Variants in GRM1 observed in about 807,000 individuals in gnomAD.
GRM1 encodes glutamate metabotropic receptor 1.
Under a neutral mutation model 90.9 loss-of-function variants are expected in GRM1, and 33 were observed. The observed-to-expected ratio is 0.36, with a 90% CI of 0.28 to 0.49. GRM1 has a LOEUF of 0.49. Ranked by LOEUF, GRM1 falls within the 20% of genes least tolerant of loss-of-function variation. GRM1 has a pLI of 0.99. For synonymous variants in GRM1, 700 were observed against 613.2 expected, an observed-to-expected ratio of 1.14 and a Z score of -2.09; for missense variants, 1,190 against 1,534.3, an observed-to-expected ratio of 0.78 and a Z score of 3.75.
rs146295838 is a variant in GRM1, at chr6:146,090,923, G to A, written c.700+60706G>A. On this transcript the variant is annotated intron_variant, in intron 1 of 7. Transcript: ENST00000282753. ...AATGACATTCCTCTTCACCTCCTGA[G>A]TTTGGGAAAAAAAACCAAAAAGAGC... Among the ~76,000 whole-genome samples, 573 of 152,076 alleles carry A rather than the reference G, an allele frequency of 3.8e-3. 2 individuals are homozygous for A. The highest frequency in any genetic ancestry group is 0.011 in the African/African-American group (474 of 41,488).
In GRM1 at chr6:146,399,240, T is replaced by A; in HGVS notation, c.2201T>A (p.Leu734Gln). 11 of 1,614,118 alleles carry A rather than the reference T, an allele frequency of 6.8e-6. No individual in the cohort carries two copies. The highest frequency in any genetic ancestry group is 9.3e-6 in the Non-Finnish European group (11 of 1,179,998). ...ATCATGGAACCCCCTATGCCCATTC[T>A]GTCCTACCCAAGTATCAAGGAAGTC... ...LIIMEPPMPI[L>Q]SYPSIKEVYL... Residue 734 changes from leucine (L) to glutamine (Q), a missense_variant, in exon 7 of 8, where the codon CTG (leucine) becomes CAG (glutamine). Physicochemically the swap from Leu to Gln is moderately radical, Grantham distance 113. This residue lies in a region of GRM1 where 414 missense variants were observed against 598.4 expected (regional missense o/e 0.69). Coordinates refer to ENST00000282753, the MANE Select transcript of GRM1 (RefSeq NM_001278064.2). This position sits in a 1 kb window ranked among gnomAD's most constrained non-coding sequence, Gnocchi z 5.4.
chr6:146,195,592 G>A (rs1779088191), intron 2 of GRM1, among the ~76,000 whole-genome samples: 1 of 152,232 alleles, frequency 6.6e-6, no homozygotes, highest in Non-Finnish European at 1.5e-5. Context: ...CATACCAGGG[G>A]AAGTAGGAAA....
intron 1 of GRM1, among the ~76,000 whole-genome samples, chr6:146,078,127 A>T (rs1208716901): frequency 6.6e-6 from 1 of 152,228 alleles, no homozygotes; most frequent in African/African-American, 2.4e-5. Context: ...GCTCTGTGTG[A>T]TGAGAGGAGT....
chr6:146,363,180 A>G (rs1583389245), intron 5 of GRM1, among the ~76,000 whole-genome samples: 1 of 152,266 alleles, frequency 6.6e-6, no homozygotes, highest in African/African-American at 2.4e-5. Context: ...TCAGATCGAC[A>G]CCTTTCACCA....
intron 7 of GRM1, among the ~76,000 whole-genome samples, chr6:146,428,023 T>C (rs1778276755): frequency 6.6e-6 from 1 of 152,200 alleles, no homozygotes; most frequent in African/African-American, 2.4e-5. Flanking sequence ...AAGCTGAATG[T>C]GGTACATCCC....
chr6:146,319,757 T>A (rs1211288562), intron 3 of GRM1, among the ~76,000 whole-genome samples: 1 of 152,204 alleles, frequency 6.6e-6, no homozygotes, highest in Non-Finnish European at 1.5e-5. Context: ...ATGATTTGGC[T>A]CTCTGTTTGT....
At chr6:146,097,835 T>A (rs1233049731) in intron 1 of GRM1, among the ~76,000 whole-genome samples, 1 of 152,232 alleles carries the variant, frequency 6.6e-6, no homozygotes, top group Non-Finnish European at 1.5e-5. Context: ...ATTTACACAG[T>A]CAGAATTAAA....
At chr6:146,163,792 T>C (rs1480018351) in intron 2 of GRM1, among the ~76,000 whole-genome samples, 1 of 152,208 alleles carries the variant, frequency 6.6e-6, no homozygotes. Context: ...GAGAAAATTA[T>C]TTTACATTTC....
chr6:146,061,759 G>GA (rs1401616393), intron 1 of GRM1, among the ~76,000 whole-genome samples: 1 of 151,896 alleles, frequency 6.6e-6, no homozygotes, highest in Non-Finnish European at 1.5e-5. Flanking sequence ...AAATCACTAT[G>GA]ATGATGAGCT....
At chr6:146,253,021 C>T (rs56911408) in intron 2 of GRM1, among the ~76,000 whole-genome samples, 2 of 151,836 alleles carry the variant, frequency 1.3e-5, no homozygotes, top group African/African-American at 4.9e-5. Flanking sequence ...GATTGTGACA[C>T]TGTGCTCCAG....
chr6:146,257,568 A>G (rs1235157251), intron 2 of GRM1, among the ~76,000 whole-genome samples: 1 of 149,942 alleles, frequency 6.7e-6, no homozygotes, highest in Non-Finnish European at 1.5e-5. Context: ...TATATTACAT[A>G]TAATTTCTTA....
chr6:146,213,767 G>T (rs867931988), intron 2 of GRM1, among the ~76,000 whole-genome samples: 1 of 151,916 alleles, frequency 6.6e-6, no homozygotes. Context: ...GGGGGAATTG[G>T]GTCACATGAC....
intron 1 of GRM1, among the ~76,000 whole-genome samples, chr6:146,148,988 G>T (rs535596881): frequency 1.6e-4 from 24 of 152,158 alleles, no homozygotes; most frequent in African/African-American, 3.1e-4. Context: ...GAAATGCTGG[G>T]TTTTTTTCCA....
chr6:146,330,251 TGG>T (rs1319766846), intron 3 of GRM1, among the ~76,000 whole-genome samples: 1 of 152,204 alleles, frequency 6.6e-6, no homozygotes, highest in East Asian at 1.9e-4. Context: ...TCTTGTTAAA[TGG>T]ATTTTTGTTG....
chr6:146,103,241 T>C (rs988421873), intron 1 of GRM1, among the ~76,000 whole-genome samples: 4 of 152,204 alleles, frequency 2.6e-5, no homozygotes, highest in Admixed American at 6.5e-5. Context: ...ACTTAGGAGA[T>C]TGGTTAATGA....
chr6:146,099,512 C>T (rs1425335139), intron 1 of GRM1, among the ~76,000 whole-genome samples: 1 of 152,206 alleles, frequency 6.6e-6, no homozygotes, highest in Non-Finnish European at 1.5e-5. Context: ...TTATCCCTGC[C>T]AGTTGCAGAC....
intron 2 of GRM1, among the ~76,000 whole-genome samples, chr6:146,241,298 G>A (rs761162774): frequency 8.6e-5 from 13 of 152,042 alleles, no homozygotes; most frequent in Non-Finnish European, 1.8e-4. Context: ...CGGATGCTTT[G>A]TTACCTTTAC....
Position 146,275,153 on chromosome 6 carries a change from C to CA in GRM1, c.951-29453dup, listed in dbSNP as rs1186533847. ...AGCTAAACTAAGTGGATGCTTATTT[C>CA]AAAAAGCGAAACTGACAGAGAGAGA... is the stretch of plus-strand genomic sequence containing the variant. On this transcript the variant is annotated intron_variant, in intron 2 of 7. Coordinates refer to ENST00000282753, the MANE Select transcript of GRM1 (RefSeq NM_001278064.2). Among the ~76,000 whole-genome samples the CA allele has an allele frequency of 2.0e-5, 3 of 151,426 alleles. No homozygotes were observed. In the East Asian group the frequency reaches 5.8e-4, roughly 29 times the overall value.
chr6:146,289,413 C>A (rs908983937), intron 2 of GRM1, among the ~76,000 whole-genome samples: 1 of 152,086 alleles, frequency 6.6e-6, no homozygotes, highest in Non-Finnish European at 1.5e-5. Flanking sequence ...TATAGCTATA[C>A]AATGTATTTG....
Sources: gnomAD v4.1 joint callset for allele counts (sites outside exome capture counted in the v4.1 genomes callset) on GRCh38, gnomAD v4.1.1 for gene constraint, gnomAD v4.1.1 regional missense constraint, Gnocchi (gnomAD v3.1) non-coding constraint, MANE v1.5 for transcripts, NCBI Gene and HGNC (gene_info 2026-07-23, HGNC 2026-07-21) for gene names.